The following SLC9B2 variants were observed in gnomAD, a reference collection of about 807,000 sequenced individuals.
SLC9B2 encodes solute carrier family 9 member B2.
Under a neutral mutation model 52.2 loss-of-function variants are expected in SLC9B2, and 39 were observed. That is an observed-to-expected ratio of 0.75 (90% confidence interval 0.58 to 0.98). SLC9B2 has a LOEUF of 0.98. Ranked by LOEUF, SLC9B2 falls within the 50% of genes least tolerant of loss-of-function variation. The pLI, the probability that SLC9B2 is intolerant of heterozygous loss-of-function variation, is 0.00. For missense variants in SLC9B2, 626 were observed against 637.5 expected (o/e 0.98, Z 0.19); for synonymous variants, 214 against 227.0 (o/e 0.94, Z 0.51).
At chr4:103,073,177 G>A (rs1264779713) in intron 1 of SLC9B2, among the ~76,000 whole-genome samples, 4 of 152,174 alleles carry the variant, frequency 2.6e-5, no homozygotes, top group Non-Finnish European at 5.9e-5. Context: ...TAATTAGTTT[G>A]TGGTATTTTG....
At chr4:103,051,545 A>C (rs1466840878) in intron 4 of SLC9B2, among the ~76,000 whole-genome samples, 2 of 152,196 alleles carry the variant, frequency 1.3e-5, no homozygotes, top group Non-Finnish European at 2.9e-5. Context: ...TGGAATGTTT[A>C]TTGGGCAACA....
chr4:103,067,382 G>A, intron 2 of SLC9B2, 79 bp downstream of exon 2: 1 of 1,326,664 alleles, frequency 7.5e-7, no homozygotes, highest in South Asian at 1.2e-5. Context: ...CTTGGATTGT[G>A]TAAGTTTGGG....
chr4:103,063,467 A>G (rs1745842911), intron 3 of SLC9B2, among the ~76,000 whole-genome samples: 1 of 152,252 alleles, frequency 6.6e-6, no homozygotes, highest in Non-Finnish European at 1.5e-5. Context: ...CTCATTTTTC[A>G]GTAAACATAT....
chr4:103,023,186 C>T lies in SLC9B2; in HGVS notation c.*3184G>A, dbSNP rs1741924023. Among the ~76,000 whole-genome samples the T allele has an allele frequency of 6.6e-6, 1 of 152,128 alleles. No homozygotes were observed. Among genetic ancestry groups the T allele is most frequent in the Non-Finnish European group, 1.5e-5 (1 of 68,032 alleles). On this transcript the variant is annotated 3_prime_UTR_variant, in exon 12 of 12. Transcript: ENST00000394785. ...GGATCCTCTTCCTCTCAGATTTAGTCAGTAAATGTTTATTAAATGTCTACT... is the reference window on the plus strand; with the variant it reads ...GGATCCTCTTCCTCTCAGATTTAGTTAGTAAATGTTTATTAAATGTCTACT...
In SLC9B2 at chr4:103,043,399, A is replaced by G. The variant is rs763008517; in HGVS notation, c.1043T>C (p.Val348Ala). ...ATGCACACTGCTGAACACAGCTAGCACAGACAACCCCAACACAAGGAATGT... is the reference window on the plus strand; with the variant it reads ...ATGCACACTGCTGAACACAGCTAGCGCAGACAACCCCAACACAAGGAATGT... ...KRTFLVLGLSVLAVFSSVHFG... is the reference protein window; with the variant it reads ...KRTFLVLGLSALAVFSSVHFG... Residue 348 changes from valine to alanine, a missense_variant, in exon 9 of 12, where the codon GTG becomes GCG. Transcript: ENST00000394785. 146 of 1,613,454 alleles carry G rather than the reference A, an allele frequency of 9.0e-5. No homozygotes were observed. The highest frequency in any genetic ancestry group is 1.2e-4 in the Non-Finnish European group (143 of 1,179,768).
Position 103,024,565 on chromosome 4 carries a change from CTTTA to C in SLC9B2, c.*1801_*1804del, listed in dbSNP as rs1742044612. Among the ~76,000 whole-genome samples, 1 of 152,130 alleles carries C rather than the reference CTTTA, an allele frequency of 6.6e-6. No individual in the cohort carries two copies. Among genetic ancestry groups the C allele is most frequent in the African/African-American group, 2.4e-5 (1 of 41,420 alleles). The stretch of plus-strand genomic sequence containing the variant: ...TCTAATGAAGAGAGGAATGGACAGG[CTTTA>C]TTTATGCAGATCAGCTTGGTGGGAT... On this transcript the variant is annotated 3_prime_UTR_variant, in exon 12 of 12. Transcript: ENST00000394785.
intron 10 of SLC9B2, among the ~76,000 whole-genome samples, chr4:103,029,546 G>C (rs1359062625): frequency 6.6e-6 from 1 of 152,078 alleles, no homozygotes; most frequent in African/African-American, 2.4e-5. Flanking sequence ...ATACTGATGT[G>C]TACTGGTCGT....
At chr4:103,057,272 A>ATATATGTATGTG in intron 4 of SLC9B2, among the ~76,000 whole-genome samples, 4 of 147,694 alleles carry the variant, frequency 2.7e-5, no homozygotes, top group African/African-American at 1.0e-4. Flanking sequence ...ATATATATAT[A>ATATATGTATGTG]TACACACACA....
In SLC9B2 at chr4:103,023,316, G is replaced by GA. The variant is rs1741936858; in HGVS notation, c.*3053dup. On this transcript the variant is annotated 3_prime_UTR_variant, in exon 12 of 12. Transcript: ENST00000394785. ...TAAGAGACAAACATGTAAATAAAGT[G>GA]AAAAAAAGTGTTACATGTGCTCTGA... Among the ~76,000 whole-genome samples the GA allele has an allele frequency of 6.6e-6, 1 of 152,088 alleles. No individual in the cohort carries two copies. Among genetic ancestry groups the GA allele is most frequent in the Non-Finnish European group, 1.5e-5 (1 of 67,996 alleles).
chr4:103,041,872 G>T (rs1743677741), intron 9 of SLC9B2, among the ~76,000 whole-genome samples: 5 of 152,024 alleles, frequency 3.3e-5, no homozygotes, highest in African/African-American at 1.2e-4. Context: ...AAGTCTTTCT[G>T]ACTTACAGCT....
At chr4:103,047,348 C>A in intron 6 of SLC9B2, 122 bp from the exon 7 acceptor site, 2 of 827,878 alleles carry the variant, frequency 2.4e-6, no homozygotes, top group Non-Finnish European at 3.5e-6. Flanking sequence ...TTTTTTTTTT[C>A]TAAATTAAGA....
chr4:103,050,410 G>A, intron 4 of SLC9B2, 28 bp from the exon 5 acceptor site: 1 of 1,534,804 alleles, frequency 6.5e-7, no homozygotes, highest in African/African-American at 1.4e-5. Flanking sequence ...AACATATCTA[G>A]TTAGTTTTCA....
chr4:103,048,157 C>T (rs536513364), intron 6 of SLC9B2, among the ~76,000 whole-genome samples: 1 of 152,286 alleles, frequency 6.6e-6, no homozygotes, highest in African/African-American at 2.4e-5. Context: ...GCAGTGGTAA[C>T]AGCAGAAAGC....
At chr4:103,019,220 G>C (rs1292845974), downstream of SLC9B2, among the ~76,000 whole-genome samples, 2 of 152,098 alleles carry the variant, frequency 1.3e-5, no homozygotes, top group Admixed American at 6.6e-5. Context: ...CCAGTCGCAG[G>C]AGCATGTATG....
At position 103,025,615 on chromosome 4, in the gene SLC9B2, C is replaced by T. The variant is rs1249306570; in HGVS notation, c.*755G>A. ...ATAGATTTGAAACTTACCTATCTCCCACCTAGAAATGGGAAGAGCCTAAAG... is the reference window on the plus strand; with the variant it reads ...ATAGATTTGAAACTTACCTATCTCCTACCTAGAAATGGGAAGAGCCTAAAG... On this transcript the variant is annotated 3_prime_UTR_variant, in exon 12 of 12. Transcript: ENST00000394785. 1 of 151,906 alleles carries T rather than the reference C, an allele frequency of 6.6e-6. No individual in the cohort carries two copies. The highest frequency in any genetic ancestry group is 1.5e-5 in the Non-Finnish European group (1 of 68,004). The allele number at this position is 151,906 out of a possible 1,614,324, so 9.4% of individuals were successfully genotyped here. A position where few individuals can be genotyped will look rare whatever the true frequency, so the allele number is the denominator to read the frequency against.
rs72943505 is a variant in SLC9B2, at chr4:103,022,692, A to G, written c.*3678T>C. Reference sequence around the variant, plus strand: ...GGGAGTTAATACCAGACAGAAATATACTGTCCTTGGAAATATGACACTTCT... The same window carrying G: ...GGGAGTTAATACCAGACAGAAATATGCTGTCCTTGGAAATATGACACTTCT... On this transcript the variant is annotated 3_prime_UTR_variant, in exon 12 of 12. Transcript: ENST00000394785. 2.0e-3 allele frequency among the ~76,000 whole-genome samples: 303 copies of G among 152,336 alleles called. No homozygotes were observed. Among genetic ancestry groups the G allele is most frequent in the African/African-American group, 7.1e-3 (294 of 41,576 alleles).
At chr4:103,054,633 T>C (rs1421357446) in intron 4 of SLC9B2, among the ~76,000 whole-genome samples, 2 of 152,200 alleles carry the variant, frequency 1.3e-5, no homozygotes, top group Non-Finnish European at 2.9e-5. Context: ...GGGTTCCAAT[T>C]AATATTAATT....
At position 103,044,944 on chromosome 4, in the gene SLC9B2, C is replaced by A; in HGVS notation, c.942G>T (p.Val314=). 4.3e-6 allele frequency: 7 copies of A among 1,613,882 alleles called. No homozygotes were observed. Among genetic ancestry groups the A allele is most frequent in the Non-Finnish European group, 5.9e-6 (7 of 1,179,886 alleles). The change falls in exon 8 of 12, where the codon GTG becomes GTT. Residue 314 remains valine, a synonymous_variant. Coordinates refer to ENST00000394785, the MANE Select transcript of SLC9B2 (RefSeq NM_178833.7). ...LRGVLEVVIG[V]ATGSVLGFFI... is the part of the protein sequence containing the mutation. ...AAAATCCAAGAACAGATCCAGTTGCCACACCAATTACCACCTCCAAAACTC... is the reference window on the plus strand; with the variant it reads ...AAAATCCAAGAACAGATCCAGTTGCAACACCAATTACCACCTCCAAAACTC...
Position 103,050,341 on chromosome 4 carries a change from T to A in SLC9B2, c.484A>T (p.Ile162Phe). Residue 162 changes from isoleucine to phenylalanine, a missense_variant, in exon 5 of 12, where the codon ATC becomes TTC. Coordinates refer to ENST00000394785, the MANE Select transcript of SLC9B2 (RefSeq NM_178833.7). Reference protein sequence around the residue: ...AGFLIRNIPVINDNVQIKHKW... With the variant: ...AGFLIRNIPVFNDNVQIKHKW... The stretch of plus-strand genomic sequence containing the variant: ...TGCTTGATCTGCACATTATCGTTGA[T>A]GACTGGGATATTTCTGATGAGAAAC... 1 of 1,609,056 alleles carries A rather than the reference T, an allele frequency of 6.2e-7. No individual in the cohort carries two copies. The highest frequency in any genetic ancestry group is 8.5e-7 in the Non-Finnish European group (1 of 1,177,852).
Sources: allele counts gnomAD v4.1 joint callset (sites outside exome capture counted in the v4.1 genomes callset), GRCh38; gene constraint gnomAD v4.1.1; transcripts MANE v1.5; gene names NCBI Gene and HGNC (gene_info 2026-07-23, HGNC 2026-07-21).